ADAMTSL1: variants seen among roughly 807,000 people sequenced by gnomAD.
ADAMTSL1 encodes the protein ADAMTS-like protein 1.
In ADAMTSL1, 126 loss-of-function variants were observed where a neutral mutation model predicts 201.8. The ratio of observed to expected loss-of-function variants is 0.62; its 90% CI spans 0.54 to 0.72. The LOEUF is 0.72. Ranked by LOEUF, ADAMTSL1 falls within the 30% of genes least tolerant of loss-of-function variation. The pLI is 0.00. For synonymous variants in ADAMTSL1, 1,121 were observed against 903.4 expected (o/e 1.24, Z -4.32); for missense variants, 2,679 against 2,277.8 (o/e 1.18, Z -3.59).
chr9:18,799,570 A>T (rs895041472), intron 20 of ADAMTSL1, among the ~76,000 whole-genome samples: 3 of 152,190 alleles, frequency 2.0e-5, no homozygotes, highest in African/African-American at 7.2e-5. Flanking sequence ...TATTGATTTT[A>T]TAAGATCACA....
intron 1 of ADAMTSL1, among the ~76,000 whole-genome samples, chr9:18,116,364 T>C (rs1443298864): frequency 1.3e-5 from 2 of 152,164 alleles, no homozygotes; most frequent in African/African-American, 4.8e-5. Flanking sequence ...ACTTTTCTCC[T>C]GAAACACACA....
intron 1 of ADAMTSL1, among the ~76,000 whole-genome samples, chr9:17,984,735 G>T (rs544738027): frequency 6.6e-6 from 1 of 152,152 alleles, no homozygotes; most frequent in African/African-American, 2.4e-5. Context: ...CTATTCTTTT[G>T]ATGGCATCCA....
intron 26 of ADAMTSL1, among the ~76,000 whole-genome samples, chr9:18,899,953 A>G (rs1274588866): frequency 1.3e-5 from 2 of 152,224 alleles, no homozygotes; most frequent in Non-Finnish European, 2.9e-5. Context: ...TTCTAACTAA[A>G]CTAAAGAGCT....
At chr9:18,114,520 A>T (rs1825167149) in intron 1 of ADAMTSL1, among the ~76,000 whole-genome samples, 1 of 152,142 alleles carries the variant, frequency 6.6e-6, no homozygotes, top group Non-Finnish European at 1.5e-5. Flanking sequence ...AACCTGAGTG[A>T]AAAACCCAGA....
intron 25 of ADAMTSL1, 80 bp downstream of exon 25, chr9:18,889,828 T>G: frequency 2.2e-6 from 3 of 1,347,414 alleles, no homozygotes; most frequent in Non-Finnish European, 2.9e-6. Flanking sequence ...GGCCAGCCCT[T>G]CAGTAGCACT....
At chr9:18,361,372 A>G (rs1380359180) in intron 2 of ADAMTSL1, among the ~76,000 whole-genome samples, 1 of 152,206 alleles carries the variant, frequency 6.6e-6, no homozygotes, top group African/African-American at 2.4e-5. Context: ...CACTTGGTAT[A>G]TTCTCGATTT....
At chr9:18,128,392 C>G (rs12004391) in intron 1 of ADAMTSL1, among the ~76,000 whole-genome samples, 2,941 of 152,194 alleles carry the variant, frequency 0.019, 97 homozygotes, top group African/African-American at 0.066. Flanking sequence ...GACAGGGTCT[C>G]ACTCCTGCCA....
chr9:17,978,563 A>T (rs1436914990), intron 1 of ADAMTSL1, among the ~76,000 whole-genome samples: 1 of 151,690 alleles, frequency 6.6e-6, no homozygotes, highest in East Asian at 1.9e-4. Context: ...TTATGAAAAC[A>T]CTATACTTTT....
rs1056294849 is a variant in ADAMTSL1 at position 17,925,567 on chromosome 9, A to G, written c.87+18645A>G. On this transcript the variant is annotated intron_variant, in intron 1 of 29. Transcript: ENST00000680146. The stretch of plus-strand genomic sequence containing the variant: ...CATGTCCTTTGTAGGGACATGGATG[A>G]CATTGGAAATCATCATTCTCAGTAA... Among the ~76,000 whole-genome samples, 646 of 113,342 alleles carry G rather than the reference A, an allele frequency of 5.7e-3. 47 individuals carry two copies. The highest frequency in any genetic ancestry group is 0.018 in the African/African-American group (617 of 33,432). 74.4% of individuals were successfully genotyped at this position (113,342 alleles called of 152,430 possible). A position where few individuals can be genotyped will look rare whatever the true frequency, so the allele number is the denominator to read the frequency against.
intron 2 of ADAMTSL1, among the ~76,000 whole-genome samples, chr9:18,348,974 C>G (rs1169519458): frequency 6.6e-6 from 1 of 152,072 alleles, no homozygotes; most frequent in East Asian, 1.9e-4. Flanking sequence ...CTCATGTTGA[C>G]CATGAAGGCA....
intron 23 of ADAMTSL1, among the ~76,000 whole-genome samples, chr9:18,863,524 T>A (rs1827333934): frequency 6.6e-6 from 1 of 152,224 alleles, no homozygotes; most frequent in South Asian, 2.1e-4. Flanking sequence ...GACCAGCTTA[T>A]TGGGAGGTCC....
intron 9 of ADAMTSL1, among the ~76,000 whole-genome samples, chr9:18,664,474 C>A (rs556363866): frequency 1.7e-4 from 26 of 152,128 alleles, no homozygotes; most frequent in Non-Finnish European, 2.9e-4. Context: ...TTTAGAAATT[C>A]CCAAAAGGGA....
intron 1 of ADAMTSL1, among the ~76,000 whole-genome samples, chr9:18,474,704 T>C (rs529429276): frequency 3.9e-4 from 59 of 152,264 alleles, no homozygotes; most frequent in African/African-American, 1.4e-3. Flanking sequence ...AGCTTGCCCG[T>C]ACCGCCTTTA....
chr9:18,848,884 G>A (rs947836052), intron 23 of ADAMTSL1, among the ~76,000 whole-genome samples: 18 of 152,162 alleles, frequency 1.2e-4, no homozygotes, highest in African/African-American at 3.6e-4. Context: ...TTTTGCACTC[G>A]GGCCATTCCC....
chr9:18,840,987 G>A (rs956841200), intron 23 of ADAMTSL1, among the ~76,000 whole-genome samples: 1 of 147,188 alleles, frequency 6.8e-6, no homozygotes, highest in Non-Finnish European at 1.5e-5. Context: ...TGCAAACAGG[G>A]ACAATTTGAC....
chr9:18,714,769 A>G (rs1832816758), intron 14 of ADAMTSL1, among the ~76,000 whole-genome samples: 1 of 152,082 alleles, frequency 6.6e-6, no homozygotes, highest in Non-Finnish European at 1.5e-5. Context: ...TCATACTGAT[A>G]CCAAAGCCGG....
intron 2 of ADAMTSL1, among the ~76,000 whole-genome samples, chr9:18,417,507 A>G (rs1818740617): frequency 6.6e-6 from 1 of 152,030 alleles, no homozygotes; most frequent in Non-Finnish European, 1.5e-5. Context: ...AAAAAGATCA[A>G]TCCAGAAAAA....
chr9:18,721,725 T>G, intron 15 of ADAMTSL1, 60 bp downstream of exon 15: 1 of 1,574,018 alleles, frequency 6.4e-7, no homozygotes, highest in Non-Finnish European at 8.6e-7. Flanking sequence ...GGCGCATCTT[T>G]CAGTGGGCAA....
chr9:18,665,116 G>T (rs1264180009), intron 9 of ADAMTSL1, among the ~76,000 whole-genome samples: 1 of 151,870 alleles, frequency 6.6e-6, no homozygotes, highest in African/African-American at 2.4e-5. Context: ...AGATTGCAAG[G>T]TAAGCTGTAA....
Sources: allele counts gnomAD v4.1 joint callset (sites outside exome capture counted in the v4.1 genomes callset), GRCh38; gene constraint gnomAD v4.1.1; transcripts MANE v1.5; gene names NCBI Gene and HGNC (gene_info 2026-07-23, HGNC 2026-07-21).